PCNP: variants seen among roughly 807,000 people sequenced by gnomAD.
The protein encoded by PCNP is PEST proteolytic signal containing nuclear protein.
In PCNP, 6 loss-of-function variants were observed where a neutral mutation model predicts 21.8. That is an observed-to-expected ratio of 0.28 (90% CI 0.15 to 0.54). The LOEUF is 0.54. PCNP is among the 20% of genes least tolerant of loss of function. The pLI is 0.95. For synonymous variants in PCNP, 67 were observed against 73.2 expected, an observed-to-expected ratio of 0.92 and a Z score of 0.43; for missense variants, 161 against 215.5, an observed-to-expected ratio of 0.75 and a Z score of 1.58.
At position 101,586,601 on chromosome 3, in the gene PCNP, C is replaced by CAGAG. The variant is rs59827485; in HGVS notation, c.354+1107_354+1110dup. 5.1e-3 allele frequency among the ~76,000 whole-genome samples: 677 copies of CAGAG among 133,452 alleles called. 4 individuals are homozygous for CAGAG. The highest frequency in any genetic ancestry group is 6.9e-3 in the Non-Finnish European group (426 of 61,312). 87.5% of individuals were successfully genotyped at this position (133,452 alleles called of 152,430 possible). On this transcript the variant is annotated intron_variant, in intron 3 of 4. Coordinates refer to ENST00000265260, the MANE Select transcript of PCNP (RefSeq NM_020357.3). ...GAGAGAGAGAGAGAGTTTCTTGTTT[C>CAGAG]AGAGAGAGAGAGAGAGAGAGTGTGT...
rs1458791104 is a variant in PCNP at position 101,579,849 on chromosome 3, G to A, written c.124G>A (p.Gly42Arg). 6.2e-7 allele frequency: 1 copy of A among 1,614,186 alleles called. No individual in the cohort carries two copies. The highest frequency in any genetic ancestry group is 8.5e-7 in the Non-Finnish European group (1 of 1,179,992). The change falls in exon 2 of 5, where the codon GGG becomes AGG. Residue 42 changes from glycine to arginine, a missense_variant. Around this residue, in one of 4 missense-constraint regions of PCNP, gnomAD observed 46 missense variants for 39.3 expected, o/e 1.17. Transcript: ENST00000265260. ...TAAGACTGTTTCTTCCAGTAATGGAGGGGAAAGTTCCAGTCGCAGCGCTGA... is the reference window on the plus strand; with the variant it reads ...TAAGACTGTTTCTTCCAGTAATGGAAGGGAAAGTTCCAGTCGCAGCGCTGA... ...KTKTVSSSNG[G>R]ESSSRSAEKR...
chr3:101,581,635 T>G (rs1183532695), intron 2 of PCNP, among the ~76,000 whole-genome samples: 1 of 152,052 alleles, frequency 6.6e-6, no homozygotes, highest in African/African-American at 2.4e-5. Context: ...GATTTCACCA[T>G]GTTGGCCAGG....
At position 101,593,400 on chromosome 3, in the gene PCNP, A is replaced by G. The variant is rs527901919; in HGVS notation, c.*647A>G. The G allele has an allele frequency of 5.9e-4, 90 of 152,648 alleles. No individual in the cohort carries two copies. Among genetic ancestry groups the G allele is most frequent in the African/African-American group, 1.9e-3 (81 of 41,542 alleles). 9.5% of individuals were successfully genotyped at this position (152,648 alleles called of 1,614,324 possible). A position where few individuals can be genotyped will look rare whatever the true frequency, so the allele number is the denominator to read the frequency against. On this transcript the variant is annotated 3_prime_UTR_variant, in exon 5 of 5. Transcript: ENST00000265260. The stretch of plus-strand genomic sequence containing the variant: ...CACTTCACCTTAATGGGTCTTGTCT[A>G]TCTTCATTAGTCTTCAAAGAAAAAC...
intron 3 of PCNP, among the ~76,000 whole-genome samples, chr3:101,587,791 T>G (rs13097625): frequency 0.15 from 22,640 of 151,916 alleles, 1,702 homozygotes; most frequent in South Asian, 0.2. Flanking sequence ...TATTCAGATA[T>G]GTACAGACTG....
At chr3:101,592,008 T>C (rs1935835852) in intron 4 of PCNP, among the ~76,000 whole-genome samples, 1 of 152,130 alleles carries the variant, frequency 6.6e-6, no homozygotes, top group African/African-American at 2.4e-5. Flanking sequence ...TTTTTAAAAC[T>C]GCAGTGGTTG....
rs1327160787 is a variant in PCNP at position 101,574,242 on chromosome 3, G to A, written c.27G>A (p.Glu9=). The part of the protein sequence containing the change: MADGKAGD[E]KPEKSQRAGA... ...TGGCGGACGGGAAGGCGGGAGACGA[G>A]AAGCCTGAAAAGTCGCAGCGAGCTG... The change falls in exon 1 of 5, where the codon GAG becomes GAA. Residue 9 remains glutamate, a synonymous_variant. Coordinates refer to ENST00000265260, the MANE Select transcript of PCNP (RefSeq NM_020357.3). The A allele has an allele frequency of 1.3e-6, 2 of 1,549,908 alleles. No individual in the cohort carries two copies. The highest frequency in any genetic ancestry group is 1.7e-6 in the Non-Finnish European group (2 of 1,146,044).
intron 1 of PCNP, among the ~76,000 whole-genome samples, chr3:101,578,742 T>C (rs80210828): frequency 6.6e-6 from 1 of 152,218 alleles, no homozygotes; most frequent in Non-Finnish European, 1.5e-5. Context: ...CGACTTTTTT[T>C]CTCCCCATTC....
At chr3:101,574,165 C>CG, upstream of PCNP, 1 of 1,535,550 alleles carries the variant, frequency 6.5e-7, no homozygotes, top group South Asian at 1.2e-5. Context: ...GGTTGTTGGG[C>CG]GGGGTCGTGA....
chr3:101,576,684 C>T, intron 1 of PCNP: 3 of 1,612,188 alleles, frequency 1.9e-6, no homozygotes, highest in Non-Finnish European at 1.7e-6. Flanking sequence ...CCTTTACATC[C>T]TTCTGTCTGT....
chr3:101,593,509 C>G lies in PCNP; in HGVS notation c.*756C>G, dbSNP rs201266982. Reference sequence around the variant, plus strand: ...AGCTAGTTCCTGTAAGCATTTCCACCAGAACTTGAGGCAAATCGTAAGGAA... The same window carrying G: ...AGCTAGTTCCTGTAAGCATTTCCACGAGAACTTGAGGCAAATCGTAAGGAA... On this transcript the variant is annotated 3_prime_UTR_variant, in exon 5 of 5. Transcript: ENST00000265260. The G allele has an allele frequency of 6.6e-6, 1 of 152,482 alleles. No individual in the cohort carries two copies. The highest frequency in any genetic ancestry group is 1.9e-4 in the East Asian group (1 of 5,200). The allele number at this position is 152,482 out of a possible 1,614,324, so 9.4% of individuals were successfully genotyped here. A position where few individuals can be genotyped will look rare whatever the true frequency, so the allele number is the denominator to read the frequency against.
upstream of PCNP, chr3:101,574,148 A>T: frequency 6.6e-7 from 1 of 1,522,000 alleles, no homozygotes. Context: ...GGCCCCAAAA[A>T]CTCGATGGTT....
intron 4 of PCNP, among the ~76,000 whole-genome samples, chr3:101,592,054 T>C (rs1258354040): frequency 6.6e-6 from 1 of 152,190 alleles, no homozygotes; most frequent in Non-Finnish European, 1.5e-5. Flanking sequence ...ACCTTAAATG[T>C]TTGTTAAAAC....
At chr3:101,576,895 G>A (rs1451427816) in intron 1 of PCNP, 41 of 1,605,614 alleles carry the variant, frequency 2.6e-5, no homozygotes, top group African/African-American at 1.3e-5. Flanking sequence ...ATCGATGTTG[G>A]TGTTGAGTAC....
At chr3:101,585,334 TG>T in intron 2 of PCNP, 102 bp from the exon 3 acceptor site, 1 of 698,164 alleles carries the variant, frequency 1.4e-6, no homozygotes, top group Non-Finnish European at 2.4e-6. Context: ...CAAATTTCTG[TG>T]GAAATATAGT....
intron 1 of PCNP, chr3:101,576,765 A>G (rs769263201): frequency 3.1e-6 from 5 of 1,611,556 alleles, no homozygotes; most frequent in Non-Finnish European, 4.2e-6. Context: ...CCACCTCATC[A>G]TCAGTGAGTT....
intron 3 of PCNP, among the ~76,000 whole-genome samples, chr3:101,586,770 C>T (rs531961753): frequency 7.4e-4 from 113 of 152,140 alleles, no homozygotes; most frequent in African/African-American, 2.4e-3. Context: ...CCAGGCTGGT[C>T]TCAAACTCCT....
chr3:101,577,713 G>T (rs923773702), intron 1 of PCNP, among the ~76,000 whole-genome samples: 2 of 152,066 alleles, frequency 1.3e-5, no homozygotes, highest in African/African-American at 4.8e-5. Flanking sequence ...TAGTAGAGAC[G>T]GGGTTTTGCC....
At chr3:101,577,812 CTG>C (rs1226074390) in intron 1 of PCNP, among the ~76,000 whole-genome samples, 1 of 152,236 alleles carries the variant, frequency 6.6e-6, no homozygotes, top group Admixed American at 6.5e-5. Context: ...GTGTGAGCCA[CTG>C]TGCCCAGCTT....
At chr3:101,581,959 C>T (rs1299363817) in intron 2 of PCNP, among the ~76,000 whole-genome samples, 6 of 151,670 alleles carry the variant, frequency 4.0e-5, no homozygotes, top group Admixed American at 2.6e-4. Context: ...AGGCTGGTCT[C>T]GAACTCCCGA....
Sources: allele counts gnomAD v4.1 joint callset (sites outside exome capture counted in the v4.1 genomes callset), GRCh38; gene constraint gnomAD v4.1.1; regional missense constraint gnomAD v4.1.1; transcripts MANE v1.5; gene names NCBI Gene and HGNC (gene_info 2026-07-23, HGNC 2026-07-21).